The following ITM2B variants were observed in gnomAD, a reference collection of about 807,000 sequenced individuals.
ITM2B encodes the protein ABri/ADan amyloid peptide.
ITM2B carries 11 observed loss-of-function variants against 27.8 expected under a neutral mutation model. The ratio of observed to expected loss-of-function variants is 0.40; its 90% confidence interval spans 0.25 to 0.66. The LOEUF is 0.66. Among genes scored for constraint, ITM2B ranks in the 30% least tolerant of loss-of-function variants. The pLI is 0.43. For missense variants in ITM2B, 296 were observed against 328.9 expected (o/e 0.90, Z 0.77); for synonymous variants, 114 against 114.3 (o/e 1.00, Z 0.02).
At chr13:48,244,161 A>T (rs941984996) in intron 1 of ITM2B, among the ~76,000 whole-genome samples, 59 of 152,318 alleles carry the variant, frequency 3.9e-4, no homozygotes, top group Admixed American at 2.6e-3. Flanking sequence ...AGAAGCACCT[A>T]CTGGATAGCC....
chr13:48,253,327 A>G (rs1025513825), intron 1 of ITM2B, among the ~76,000 whole-genome samples: 1 of 152,086 alleles, frequency 6.6e-6, no homozygotes, highest in Admixed American at 6.6e-5. Flanking sequence ...GGTTTAGAAT[A>G]GTTTTATACC....
At chr13:48,257,304 T>C (rs940341551) in intron 3 of ITM2B, among the ~76,000 whole-genome samples, 1 of 152,232 alleles carries the variant, frequency 6.6e-6, no homozygotes, top group African/African-American at 2.4e-5. Context: ...GTATTTAATA[T>C]GTTTACATTT....
At chr13:48,237,504 T>A (rs2137977953) in intron 1 of ITM2B, among the ~76,000 whole-genome samples, 1 of 152,318 alleles carries the variant, frequency 6.6e-6, no homozygotes, top group East Asian at 1.9e-4. Context: ...GAAATGAGTA[T>A]AATATACTTG....
chr13:48,243,798 C>A (rs1467206564), intron 1 of ITM2B, among the ~76,000 whole-genome samples: 1 of 151,480 alleles, frequency 6.6e-6, no homozygotes, highest in Non-Finnish European at 1.5e-5. Context: ...GCTGGGGTGA[C>A]AGAGCAAGAC....
At chr13:48,246,041 GTGT>G (rs1477894039) in intron 1 of ITM2B, among the ~76,000 whole-genome samples, 1 of 152,164 alleles carries the variant, frequency 6.6e-6, no homozygotes, top group Non-Finnish European at 1.5e-5. Context: ...GCCTCCCAAA[GTGT>G]TGGGATTACA....
intron 5 of ITM2B, 67 bp from the exon 6 acceptor site, chr13:48,261,072 A>T (rs1392747263): frequency 9.8e-7 from 1 of 1,021,446 alleles, no homozygotes; most frequent in Non-Finnish European, 1.5e-6. Flanking sequence ...TAATAACTAT[A>T]AAAATGATGT....
intron 2 of ITM2B, among the ~76,000 whole-genome samples, chr13:48,255,549 GCCT>G (rs1302619290): frequency 3.9e-5 from 6 of 152,028 alleles, no homozygotes; most frequent in Non-Finnish European, 8.8e-5. Context: ...TCTGTCTCAG[GCCT>G]CCTCCCCACA....
chr13:48,255,104 G>C (rs1264781231), intron 2 of ITM2B: 1 of 152,086 alleles, frequency 6.6e-6, no homozygotes, highest in Non-Finnish European at 1.5e-5. Context: ...TCAAACTCCT[G>C]ACCTCAGGCG....
chr13:48,236,581 C>G (rs982151220), intron 1 of ITM2B, among the ~76,000 whole-genome samples: 1 of 152,208 alleles, frequency 6.6e-6, no homozygotes, highest in Non-Finnish European at 1.5e-5. Flanking sequence ...ACTACCTCCT[C>G]ACTCTAACCA....
chr13:48,255,740 C>T (rs551743571), intron 2 of ITM2B, among the ~76,000 whole-genome samples: 1 of 152,232 alleles, frequency 6.6e-6, no homozygotes, highest in Admixed American at 6.5e-5. Context: ...GAAAAATTAT[C>T]CCTTTTTTGG....
rs953637047 is a variant in ITM2B at position 48,243,496 on chromosome 13, G to A, written c.117+10019G>A. ...TAGTTCACACATGTAGGGCTTATTA[G>A]TGTGGGTCAATTTAAGTAAACCTTT... On this transcript the variant is annotated intron_variant, in intron 1 of 5. Coordinates refer to ENST00000647800, the MANE Select transcript of ITM2B (RefSeq NM_021999.5). 2.0e-5 allele frequency among the ~76,000 whole-genome samples: 3 copies of A among 152,254 alleles called. No individual in the cohort carries two copies. The South Asian group carries it at 6.2e-4, about 32-fold the overall frequency.
chr13:48,261,085 A>G lies in ITM2B; in HGVS notation c.716-54A>G, dbSNP rs889987009. On this transcript the variant is annotated intron_variant, in intron 5 of 5. Coordinates refer to ENST00000647800, the MANE Select transcript of ITM2B (RefSeq NM_021999.5). The stretch of plus-strand genomic sequence containing the variant: ...AATAATAACTATAAAAATGATGTGA[A>G]TATTTATTATTAAAGAATCAAAATT... 118 of 1,107,362 alleles carry G rather than the reference A, an allele frequency of 1.1e-4. No individual in the cohort carries two copies. The African/African-American group carries it at 1.7e-3, about 16-fold the overall frequency. 68.6% of individuals were successfully genotyped at this position (1,107,362 alleles called of 1,614,324 possible).
At chr13:48,251,590 C>T (rs932956975) in intron 1 of ITM2B, among the ~76,000 whole-genome samples, 1 of 152,164 alleles carries the variant, frequency 6.6e-6, no homozygotes, top group Non-Finnish European at 1.5e-5. Context: ...AACTTGTCAT[C>T]AATTTGCCAG....
intron 1 of ITM2B, among the ~76,000 whole-genome samples, chr13:48,238,387 A>G (rs1023718731): frequency 6.6e-6 from 1 of 152,120 alleles, no homozygotes; most frequent in African/African-American, 2.4e-5. Flanking sequence ...TATTTCTATA[A>G]TTGTACTTGG....
rs903366377 is a variant in ITM2B, at chr13:48,267,602, T to C, written c.*6378T>C. On this transcript the variant is annotated 3_prime_UTR_variant, in exon 6 of 6. Transcript: ENST00000647800. ...GACTTTTGTTGAGGATTGATAGAAA[T>C]AAAAATGAGCCAGAAATGTTTCTTC... The C allele has an allele frequency of 6.6e-6, 1 of 152,202 alleles. No homozygotes were observed. Among genetic ancestry groups the C allele is most frequent in the African/African-American group, 2.4e-5 (1 of 41,458 alleles). 9.4% of individuals were successfully genotyped at this position (152,202 alleles called of 1,614,324 possible).
intron 1 of ITM2B, among the ~76,000 whole-genome samples, chr13:48,250,550 G>A (rs1483502007): frequency 1.3e-5 from 2 of 151,810 alleles, no homozygotes; most frequent in Admixed American, 6.6e-5. Flanking sequence ...CCCAGGAGGT[G>A]GAGCTTTCAG....
Position 48,263,747 on chromosome 13 carries a change from G to A in ITM2B, c.*2523G>A, listed in dbSNP as rs1344761288. ...CCTCACAGAAAGCTCTCTTCTCTCT[G>A]TGACCTTATATCACAGATGACTCTG... On this transcript the variant is annotated 3_prime_UTR_variant, in exon 6 of 6. Coordinates refer to ENST00000647800, the MANE Select transcript of ITM2B (RefSeq NM_021999.5). 1 of 152,074 alleles carries A rather than the reference G, an allele frequency of 6.6e-6. No individual in the cohort carries two copies. Among genetic ancestry groups the A allele is most frequent in the East Asian group, 1.9e-4 (1 of 5,192 alleles). 9.4% of individuals were successfully genotyped at this position (152,074 alleles called of 1,614,324 possible).
intron 5 of ITM2B, among the ~76,000 whole-genome samples, chr13:48,260,623 TA>T (rs9332301): frequency 0.055 from 8,275 of 151,450 alleles, 472 homozygotes; most frequent in African/African-American, 0.14. Flanking sequence ...GTAAGGTAGG[TA>T]TTTGGTTTTC....
At position 48,240,372 on chromosome 13, in the gene ITM2B, A is replaced by AT. The variant is rs560089798; in HGVS notation, c.117+6901dup. Among the ~76,000 whole-genome samples, 1,510 of 152,142 alleles carry AT rather than the reference A, an allele frequency of 9.9e-3. 14 individuals carry two copies. Among genetic ancestry groups the AT allele is most frequent in the Non-Finnish European group, 0.016 (1,062 of 67,976 alleles). ...AGGCACCTGCCACTATGCCTGGCTA[A>AT]TTTTTTGTATTTTTAATAGAGACGG... On this transcript the variant is annotated intron_variant, in intron 1 of 5. Transcript: ENST00000647800.
Sources: allele counts gnomAD v4.1 joint callset (sites outside exome capture counted in the v4.1 genomes callset), GRCh38; gene constraint gnomAD v4.1.1; transcripts MANE v1.5; gene names NCBI Gene and HGNC (gene_info 2026-07-23, HGNC 2026-07-21).